FGF18: variants seen among roughly 807,000 people sequenced by gnomAD.
FGF18 encodes fibroblast growth factor 18.
In FGF18, 5 loss-of-function variants were observed where a neutral mutation model predicts 23.0. The observed-to-expected ratio is 0.22, with a 90% CI of 0.11 to 0.46. The LOEUF (loss-of-function observed/expected upper bound fraction) is 0.46, where lower values mean the gene tolerates loss of function less well. Ranked by LOEUF, FGF18 falls within the 20% of genes least tolerant of loss-of-function variation. The pLI is 0.99. For missense variants in FGF18, 180 were observed against 291.6 expected, an observed-to-expected ratio of 0.62 and a Z score of 2.79; for synonymous variants, 117 against 118.9, an observed-to-expected ratio of 0.98 and a Z score of 0.10.
chr5:171,438,640 G>A (rs1396056064), intron 3 of FGF18, among the ~76,000 whole-genome samples: 5 of 151,840 alleles, frequency 3.3e-5, no homozygotes, highest in Admixed American at 1.3e-4. Context: ...GTACTCCTCC[G>A]ACCCCCCGAC....
At chr5:171,430,570 T>C (rs1772166090) in intron 2 of FGF18, among the ~76,000 whole-genome samples, 2 of 142,776 alleles carry the variant, frequency 1.4e-5, no homozygotes, top group African/African-American at 5.9e-5. Flanking sequence ...GGGTGGATCA[T>C]GAGGTCAGGA....
Position 171,456,916 on chromosome 5 carries a change from C to A in FGF18, c.*111C>A. ...ATAAGGAAGAAGCTCTATTTTTGTA[C>A]ATTGTGTTTAAAAGAAGACAAAAAC... On this transcript the variant is annotated 3_prime_UTR_variant, in exon 5 of 5. Transcript: ENST00000274625. The surrounding 1 kb of genome is among the most constrained non-coding windows in gnomAD (Gnocchi z 6.1). 7.4e-7 allele frequency: 1 copy of A among 1,350,892 alleles called. No individual in the cohort carries two copies. The highest frequency in any genetic ancestry group is 1.0e-6 in the Non-Finnish European group (1 of 1,002,730). 83.7% of individuals were successfully genotyped at this position (1,350,892 alleles called of 1,614,324 possible). A position where few individuals can be genotyped will look rare whatever the true frequency, so the allele number is the denominator to read the frequency against.
intron 4 of FGF18, 139 bp downstream of exon 4, chr5:171,449,392 TGTGTGTGTGAGA>T (rs1319051207): frequency 1.9e-5 from 10 of 522,206 alleles, no homozygotes; most frequent in East Asian, 7.1e-5. Flanking sequence ...TGTGTGTGTG[TGTGTGTGTGAGA>T]GAGAGAGAGA....
intron 2 of FGF18, among the ~76,000 whole-genome samples, chr5:171,426,940 G>A (rs943844377): frequency 2.6e-5 from 4 of 152,202 alleles, no homozygotes; most frequent in Non-Finnish European, 5.9e-5. Flanking sequence ...CGGGCGTGGT[G>A]GCTCACGCCT....
At chr5:171,448,734 G>A (rs1377597913) in intron 3 of FGF18, among the ~76,000 whole-genome samples, 16 of 152,080 alleles carry the variant, frequency 1.1e-4, no homozygotes, top group Admixed American at 1.0e-3. Flanking sequence ...CCTGCTTTGG[G>A]AAATGGGTTT....
intron 3 of FGF18, among the ~76,000 whole-genome samples, chr5:171,438,764 C>A (rs1772291376): frequency 6.6e-6 from 1 of 151,926 alleles, no homozygotes; most frequent in Admixed American, 6.6e-5. Context: ...GGAAGTGAGA[C>A]AATGGAGCCA....
chr5:171,437,215 G>A (rs1050453676), intron 3 of FGF18, among the ~76,000 whole-genome samples: 4 of 152,300 alleles, frequency 2.6e-5, no homozygotes, highest in Admixed American at 1.3e-4. Context: ...TTTTTGGGAC[G>A]ATGCCCCGCC....
intron 1 of FGF18, 23 bp downstream of exon 1, chr5:171,420,254 G>T (rs1771982851): frequency 6.3e-7 from 1 of 1,591,392 alleles, no homozygotes; most frequent in Non-Finnish European, 8.5e-7. Flanking sequence ...GCGCGGGGCT[G>T]CCCACCTTGC....
At chr5:171,421,726 T>G (rs1484353090) in intron 2 of FGF18, among the ~76,000 whole-genome samples, 1 of 151,970 alleles carries the variant, frequency 6.6e-6, no homozygotes, top group African/African-American at 2.4e-5. Context: ...GGGCATCCAT[T>G]GGGGCTTGGG....
chr5:171,443,532 T>TTTTTTTTTTTTTTTC (rs869156904), intron 3 of FGF18, among the ~76,000 whole-genome samples: 1 of 106,890 alleles, frequency 9.4e-6, no homozygotes. Context: ...TTTTTTTTTT[T>TTTTTTTTTTTTTTTC]AGCAGAGACA....
At position 171,434,320 on chromosome 5, in the gene FGF18, G is replaced by T. The variant is rs967688476; in HGVS notation, c.70-1773G>T. ...CATGAAGGTTCAACAATGTGGTCCT[G>T]CTGACATACCTGTGGGCCCAGTCCA... On this transcript the variant is annotated intron_variant, in intron 2 of 4. Transcript: ENST00000274625. The surrounding 1 kb of genome is among the most constrained non-coding windows in gnomAD (Gnocchi z 4.6). 2.0e-5 allele frequency among the ~76,000 whole-genome samples: 3 copies of T among 152,240 alleles called. No individual in the cohort carries two copies. Among genetic ancestry groups the T allele is most frequent in the African/African-American group, 7.2e-5 (3 of 41,462 alleles).
intron 4 of FGF18, among the ~76,000 whole-genome samples, chr5:171,453,452 G>T (rs1772543409): frequency 1.3e-5 from 2 of 152,192 alleles, no homozygotes; most frequent in African/African-American, 2.4e-5. Flanking sequence ...GCCAATGGTG[G>T]CTATGTGGGC....
chr5:171,425,102 G>A (rs1170409789), intron 2 of FGF18, among the ~76,000 whole-genome samples: 1 of 152,140 alleles, frequency 6.6e-6, no homozygotes, highest in African/African-American at 2.4e-5. Context: ...TTTTCTGCAG[G>A]GCCTTTTGGT....
At chr5:171,424,281 G>T (rs1772060790) in intron 2 of FGF18, among the ~76,000 whole-genome samples, 1 of 152,122 alleles carries the variant, frequency 6.6e-6, no homozygotes, top group Admixed American at 6.5e-5. Context: ...AGTGAGGCAG[G>T]CACATACATC....
chr5:171,433,186 G>GGA (rs1471457641), intron 2 of FGF18, among the ~76,000 whole-genome samples: 1 of 152,212 alleles, frequency 6.6e-6, no homozygotes, highest in African/African-American at 2.4e-5. Context: ...TGGGCAAGAT[G>GGA]GATTGTTCCC....
At chr5:171,453,571 G>A (rs1032481124) in intron 4 of FGF18, among the ~76,000 whole-genome samples, 1 of 152,196 alleles carries the variant, frequency 6.6e-6, no homozygotes, top group East Asian at 1.9e-4. Context: ...GGCTAGGGCA[G>A]GTTCAAATCC....
chr5:171,426,517 A>G (rs1021306099), intron 2 of FGF18, among the ~76,000 whole-genome samples: 4 of 152,248 alleles, frequency 2.6e-5, no homozygotes, highest in African/African-American at 9.6e-5. Flanking sequence ...GCAGCAGGTC[A>G]GGAGGCCCCG....
chr5:171,430,517 G>A lies in FGF18; in HGVS notation c.70-5576G>A, dbSNP rs1482503441. 9.7e-5 allele frequency among the ~76,000 whole-genome samples: 14 copies of A among 144,594 alleles called. No individual in the cohort carries two copies. The South Asian group carries it at 1.7e-3, about 17-fold the overall frequency. The allele number at this position is 144,594 out of a possible 152,430, so 94.9% of individuals were successfully genotyped here. A position where few individuals can be genotyped will look rare whatever the true frequency, so the allele number is the denominator to read the frequency against. On this transcript the variant is annotated intron_variant, in intron 2 of 4. Coordinates refer to ENST00000274625, the MANE Select transcript of FGF18 (RefSeq NM_003862.3). Reference sequence around the variant, plus strand: ...CTAAAGAAAAAAGAGGGCCGGGCGCGGTGGCTCACGCCTGTAATCCCAGCA... The same window carrying A: ...CTAAAGAAAAAAGAGGGCCGGGCGCAGTGGCTCACGCCTGTAATCCCAGCA...
chr5:171,456,899 G>T lies in FGF18; in HGVS notation c.*94G>T. The T allele has an allele frequency of 7.0e-7, 1 of 1,430,782 alleles. No individual in the cohort carries two copies. The highest frequency in any genetic ancestry group is 9.4e-7 in the Non-Finnish European group (1 of 1,064,600). 88.6% of individuals were successfully genotyped at this position (1,430,782 alleles called of 1,614,324 possible). A position where few individuals can be genotyped will look rare whatever the true frequency, so the allele number is the denominator to read the frequency against. Reference sequence around the variant, plus strand: ...ATATTTTTACATGAAAAATAAGGAAGAAGCTCTATTTTTGTACATTGTGTT... The same window carrying T: ...ATATTTTTACATGAAAAATAAGGAATAAGCTCTATTTTTGTACATTGTGTT... On this transcript the variant is annotated 3_prime_UTR_variant, in exon 5 of 5. Coordinates refer to ENST00000274625, the MANE Select transcript of FGF18 (RefSeq NM_003862.3). This position sits in a 1 kb window ranked among gnomAD's most constrained non-coding sequence, Gnocchi z 6.1.
Sources: gnomAD v4.1 joint callset for allele counts (sites outside exome capture counted in the v4.1 genomes callset) on GRCh38, gnomAD v4.1.1 for gene constraint, Gnocchi (gnomAD v3.1) non-coding constraint, MANE v1.5 for transcripts, NCBI Gene and HGNC (gene_info 2026-07-23, HGNC 2026-07-21) for gene names.